DLGAP2: variants seen among roughly 807,000 people sequenced by gnomAD.
The protein encoded by DLGAP2 is disks large-associated protein 2.
In DLGAP2, 26 loss-of-function variants were observed where a neutral mutation model predicts 100.3. The observed-to-expected ratio is 0.26, with a 90% CI of 0.19 to 0.36. The LOEUF (loss-of-function observed/expected upper bound fraction) is 0.36, where lower values mean the gene tolerates loss of function less well. Ranked by LOEUF, DLGAP2 falls within the 10% of genes least tolerant of loss-of-function variation. DLGAP2 has a pLI of 1.00. For synonymous variants in DLGAP2, 886 were observed against 630.1 expected (o/e 1.41, Z -6.08); for missense variants, 1,858 against 1,453.2 (o/e 1.28, Z -4.53).
At chr8:1,292,039 C>T (rs185011305) in intron 3 of DLGAP2, among the ~76,000 whole-genome samples, 2 of 152,338 alleles carry the variant, frequency 1.3e-5, no homozygotes, top group Non-Finnish European at 2.9e-5. Flanking sequence ...AGAGATGTGA[C>T]ATCAATAGGG....
At chr8:1,055,146 A>G (rs1393857492) in intron 2 of DLGAP2, among the ~76,000 whole-genome samples, 1 of 152,232 alleles carries the variant, frequency 6.6e-6, no homozygotes, top group Non-Finnish European at 1.5e-5. Flanking sequence ...GATGGATGCT[A>G]TCAGTGTGTG....
At chr8:763,060 A>G (rs1299935753) in intron 1 of DLGAP2, among the ~76,000 whole-genome samples, 7 of 151,662 alleles carry the variant, frequency 4.6e-5, no homozygotes, top group African/African-American at 7.3e-5. Flanking sequence ...TCAAAGAGGG[A>G]TTGGAGAAAA....
intron 3 of DLGAP2, among the ~76,000 whole-genome samples, chr8:1,386,027 CTT>C (rs33945434): frequency 0.054 from 8,225 of 152,360 alleles, 498 homozygotes; most frequent in East Asian, 0.24. Flanking sequence ...AATTAAATCT[CTT>C]GTTACAAAAA....
At position 1,634,818 on chromosome 8, in the gene DLGAP2, T is replaced by C. The variant is rs149533733; in HGVS notation, c.1810+1772T>C. 4.2e-3 allele frequency among the ~76,000 whole-genome samples: 638 copies of C among 152,314 alleles called. 6 individuals are homozygous for C. Among genetic ancestry groups the C allele is most frequent in the African/African-American group, 0.013 (541 of 41,562 alleles). The stretch of plus-strand genomic sequence containing the variant: ...AAAAATAAAACAGATTTCACAGAGA[T>C]AAGAACCAGTTCTGAGCTCAGACTA... On this transcript the variant is annotated intron_variant, in intron 8 of 14. Coordinates refer to ENST00000637795, the MANE Select transcript of DLGAP2 (RefSeq NM_001346810.2).
chr8:1,364,353 A>G (rs1802057126), intron 3 of DLGAP2, among the ~76,000 whole-genome samples: 1 of 152,062 alleles, frequency 6.6e-6, no homozygotes, highest in African/African-American at 2.4e-5. Context: ...CGTTCTCGTG[A>G]TCGTCAAGGG....
rs1408947585 is a variant in DLGAP2, at chr8:778,984, A to G, written c.18+41159A>G. 3.9e-5 allele frequency among the ~76,000 whole-genome samples: 6 copies of G among 152,116 alleles called. No homozygotes were observed. In the East Asian group the frequency reaches 7.8e-4, roughly 20 times the overall value. On this transcript the variant is annotated intron_variant, in intron 1 of 14. Transcript: ENST00000637795. ...TTGATCTCAGACTGCTGTGCTAGCAATCAGCGAGACTCCGTGGGGTAGGAC... is the reference window on the plus strand; with the variant it reads ...TTGATCTCAGACTGCTGTGCTAGCAGTCAGCGAGACTCCGTGGGGTAGGAC...
At position 1,678,563 on chromosome 8, in the gene DLGAP2, A is replaced by G. The variant is rs1345082375; in HGVS notation, c.2638A>G (p.Lys880Glu). ...TTTGAAGCTGCTGCACGCAGAGACA[A>G]AGAGGATGGAAGGCTGGTGCAAAGA... The part of the protein sequence containing the change: ...WFLKLLHAET[K>E]RMEGWCKEME... The change falls in exon 12 of 15, where the codon AAG becomes GAG. Residue 880 changes from lysine (K) to glutamate (E), a missense_variant. Coordinates refer to ENST00000637795, the MANE Select transcript of DLGAP2 (RefSeq NM_001346810.2). 8.8e-6 allele frequency: 14 copies of G among 1,585,290 alleles called. No individual in the cohort carries two copies.
chr8:1,703,316 C>T lies in DLGAP2; in HGVS notation c.*1910C>T, dbSNP rs1048997629. On this transcript the variant is annotated 3_prime_UTR_variant, in exon 15 of 15. Coordinates refer to ENST00000637795, the MANE Select transcript of DLGAP2 (RefSeq NM_001346810.2). ...GAAAAATGCAAAAAAAAAAAAATCC[C>T]TGAAATATTCTTCTATAAATGAATC... 5.3e-5 allele frequency: 8 copies of T among 152,326 alleles called. No homozygotes were observed. Among genetic ancestry groups the T allele is most frequent in the Admixed American group, 4.6e-4 (7 of 15,226 alleles). The allele number at this position is 152,326 out of a possible 1,614,324, so 9.4% of individuals were successfully genotyped here.
chr8:794,594 C>G (rs769139247), intron 1 of DLGAP2, among the ~76,000 whole-genome samples: 32 of 152,188 alleles, frequency 2.1e-4, no homozygotes, highest in Non-Finnish European at 4.0e-4. Flanking sequence ...CTTAGGAATG[C>G]CTTTAAGTGG....
At chr8:952,343 C>T (rs144521289) in intron 2 of DLGAP2, among the ~76,000 whole-genome samples, 156 of 152,248 alleles carry the variant, frequency 1.0e-3, no homozygotes, top group African/African-American at 3.1e-3. Flanking sequence ...TTATTGCATT[C>T]GAAATTAAAA....
rs186597786 is a variant in DLGAP2 at position 1,690,107 on chromosome 8, T to C, written c.2705-1428T>C. Among the ~76,000 whole-genome samples, 63 of 150,774 alleles carry C rather than the reference T, an allele frequency of 4.2e-4. 1 individual carries two copies. The East Asian group carries it at 0.011, about 27-fold the overall frequency. On this transcript the variant is annotated intron_variant, in intron 12 of 14. Coordinates refer to ENST00000637795, the MANE Select transcript of DLGAP2 (RefSeq NM_001346810.2). Reference sequence around the variant, plus strand: ...TGCGGTGGCTCACGCCTGTAATCCTTGGCCTTGGGAGGCCAAGGCGGGCTG... The same window carrying C: ...TGCGGTGGCTCACGCCTGTAATCCTCGGCCTTGGGAGGCCAAGGCGGGCTG...
rs1386546964 is a variant in DLGAP2 at position 1,407,537 on chromosome 8, T to C, written c.107-93829T>C. ...TCATCGTCCAGAGTCGTGTATTGAG[T>C]GCTTACTGAGCGCCACCTCCTCATC... On this transcript the variant is annotated intron_variant, in intron 3 of 14. Transcript: ENST00000637795. Among the ~76,000 whole-genome samples the C allele has an allele frequency of 1.5e-3, 202 of 135,494 alleles. 2 individuals carry two copies. Among genetic ancestry groups the C allele is most frequent in the African/African-American group, 5.5e-3 (197 of 35,986 alleles). The allele number at this position is 135,494 out of a possible 152,430, so 88.9% of individuals were successfully genotyped here.
At chr8:1,569,730 C>T (rs544611277) in intron 6 of DLGAP2, among the ~76,000 whole-genome samples, 1 of 152,244 alleles carries the variant, frequency 6.6e-6, no homozygotes, top group African/African-American at 2.4e-5. Flanking sequence ...GCTGCACAAG[C>T]CACCAAGGCT....
intron 3 of DLGAP2, among the ~76,000 whole-genome samples, chr8:1,478,283 T>C (rs1798991342): frequency 1.3e-5 from 2 of 152,208 alleles, no homozygotes; most frequent in Non-Finnish European, 2.9e-5. Flanking sequence ...CCTCCTTCCC[T>C]TTCCTTCAGG....
At chr8:1,122,827 C>G (rs2129047863) in intron 2 of DLGAP2, among the ~76,000 whole-genome samples, 1 of 151,680 alleles carries the variant, frequency 6.6e-6, no homozygotes, top group Non-Finnish European at 1.5e-5. Flanking sequence ...CCATTTCTCT[C>G]ATTTCTCCTG....
intron 3 of DLGAP2, among the ~76,000 whole-genome samples, chr8:1,328,819 T>C (rs1801082604): frequency 6.6e-6 from 1 of 152,206 alleles, no homozygotes; most frequent in South Asian, 2.1e-4. Flanking sequence ...TATGCAGAGC[T>C]GTGTTTCTGA....
At position 1,388,129 on chromosome 8, in the gene DLGAP2, G is replaced by T. The variant is rs568454001; in HGVS notation, c.107-113237G>T. Reference sequence around the variant, plus strand: ...TGGATGGGGAGGCTCTGGTTCAGGTGTCAGGGCTGTGAGAGGCAGAGGCAG... The same window carrying T: ...TGGATGGGGAGGCTCTGGTTCAGGTTTCAGGGCTGTGAGAGGCAGAGGCAG... On this transcript the variant is annotated intron_variant, in intron 3 of 14. Coordinates refer to ENST00000637795, the MANE Select transcript of DLGAP2 (RefSeq NM_001346810.2). 4.0e-5 allele frequency among the ~76,000 whole-genome samples: 4 copies of T among 100,454 alleles called. No homozygotes were observed. The South Asian group carries it at 1.2e-3, about 31-fold the overall frequency. 65.9% of individuals were successfully genotyped at this position (100,454 alleles called of 152,430 possible).
intron 4 of DLGAP2, among the ~76,000 whole-genome samples, chr8:1,547,578 G>A (rs144153094): frequency 5.3e-5 from 8 of 152,262 alleles, no homozygotes; most frequent in East Asian, 3.9e-4. Flanking sequence ...GCAACAGGCC[G>A]TGGAGCTGGC....
intron 1 of DLGAP2, among the ~76,000 whole-genome samples, chr8:788,326 G>A (rs576763843): frequency 6.6e-6 from 1 of 152,294 alleles, no homozygotes; most frequent in African/African-American, 2.4e-5. Context: ...CGAGGCCTTG[G>A]CATCTGTGTT....
Sources: gnomAD v4.1 joint callset for allele counts (sites outside exome capture counted in the v4.1 genomes callset) on GRCh38, gnomAD v4.1.1 for gene constraint, MANE v1.5 for transcripts, NCBI Gene and HGNC (gene_info 2026-07-23, HGNC 2026-07-21) for gene names.